RHOQ: variants seen among roughly 807,000 people sequenced by gnomAD.
RHOQ encodes the protein ras homolog family member Q.
RHOQ carries 7 observed loss-of-function variants against 25.8 expected under a neutral mutation model. The observed-to-expected ratio is 0.27, with a 90% confidence interval of 0.15 to 0.51. The LOEUF is 0.51. Ranked by LOEUF, RHOQ falls within the 20% of genes least tolerant of loss-of-function variation. The pLI, the probability that RHOQ is intolerant of heterozygous loss-of-function variation, is 0.97. For synonymous variants in RHOQ, 97 were observed against 98.6 expected (o/e 0.98, Z 0.10); for missense variants, 165 against 260.6 (o/e 0.63, Z 2.53).
chr2:46,567,884 C>G (rs542113837), intron 2 of RHOQ, among the ~76,000 whole-genome samples: 1 of 151,820 alleles, frequency 6.6e-6, no homozygotes, highest in South Asian at 2.1e-4. Context: ...GAGCAAGACC[C>G]CTGTCTCTAC....
rs905306730 is a variant in RHOQ, at chr2:46,569,616, A to G, written c.202-6471A>G. The G allele has an allele frequency of 6.6e-6, 1 of 152,224 alleles. No homozygotes were observed. Among genetic ancestry groups the G allele is most frequent in the Non-Finnish European group, 1.5e-5 (1 of 68,032 alleles). 9.4% of individuals were successfully genotyped at this position (152,224 alleles called of 1,614,324 possible). ...GTCAGGTGGCCAAAAGGAAAGCACA[A>G]TGGAAAAGAAGCCCAAGATCTAGTT... On this transcript the variant is annotated intron_variant, in intron 2 of 4. Coordinates refer to ENST00000238738, the MANE Select transcript of RHOQ (RefSeq NM_012249.4). This position sits in a 1 kb window ranked among gnomAD's most constrained non-coding sequence, Gnocchi z 4.1.
In RHOQ at chr2:46,552,182, A is replaced by G. The variant is rs1003726586; in HGVS notation, c.201+8370A>G. 6.6e-6 allele frequency among the ~76,000 whole-genome samples: 1 copy of G among 152,200 alleles called. No individual in the cohort carries two copies. Among genetic ancestry groups the G allele is most frequent in the Non-Finnish European group, 1.5e-5 (1 of 68,034 alleles). On this transcript the variant is annotated intron_variant, in intron 2 of 4. Transcript: ENST00000238738. The surrounding 1 kb of genome is among the most constrained non-coding windows in gnomAD (Gnocchi z 5.0). ...TGGAACACGTAGGGACGGCTGCTAA[A>G]ACGGCTCCTACAAAGACTTCTGCCC...
chr2:46,567,127 A>G (rs1293697285), intron 2 of RHOQ, among the ~76,000 whole-genome samples: 2 of 152,332 alleles, frequency 1.3e-5, no homozygotes, highest in East Asian at 3.9e-4. Flanking sequence ...GATATAAAGG[A>G]GAAATAAAAA....
At chr2:46,550,788 G>A (rs1361415781) in intron 2 of RHOQ, among the ~76,000 whole-genome samples, 2 of 152,172 alleles carry the variant, frequency 1.3e-5, no homozygotes, top group Non-Finnish European at 2.9e-5. Context: ...CTGAGAGTGC[G>A]GGCCCAGGCT....
At chr2:46,565,791 T>C (rs1668713505) in intron 2 of RHOQ, among the ~76,000 whole-genome samples, 1 of 152,224 alleles carries the variant, frequency 6.6e-6, no homozygotes, top group Non-Finnish European at 1.5e-5. Flanking sequence ...AGCCAGGCCT[T>C]GAGCAATAGT....
intron 2 of RHOQ, among the ~76,000 whole-genome samples, chr2:46,551,937 C>G (rs1384739708): frequency 6.6e-5 from 10 of 152,160 alleles, no homozygotes; most frequent in Non-Finnish European, 1.3e-4. Flanking sequence ...ATGACTCGCT[C>G]CAGGCCACAC....
At chr2:46,543,574 C>T in intron 1 of RHOQ, 180 bp from the exon 2 acceptor site, 1 of 639,840 alleles carries the variant, frequency 1.6e-6, no homozygotes, top group Non-Finnish European at 2.9e-6. Context: ...CACATCACAC[C>T]CCGGCCCTTT....
At chr2:46,578,714 C>T (rs1032233572) in intron 4 of RHOQ, among the ~76,000 whole-genome samples, 14 of 151,386 alleles carry the variant, frequency 9.2e-5, no homozygotes, top group Non-Finnish European at 1.8e-4. Context: ...CGAGATAGTG[C>T]CATTGCACTC....
intron 2 of RHOQ, among the ~76,000 whole-genome samples, chr2:46,574,210 T>C (rs570320585): frequency 4.6e-5 from 7 of 152,274 alleles, no homozygotes; most frequent in South Asian, 4.1e-4. Flanking sequence ...TCTGTGAAAA[T>C]TGGAAATCTA....
intron 2 of RHOQ, among the ~76,000 whole-genome samples, chr2:46,562,096 C>T (rs902511466): frequency 5.3e-5 from 8 of 152,218 alleles, no homozygotes; most frequent in African/African-American, 1.9e-4. Flanking sequence ...ACAAGACTCA[C>T]TTATCGGCAG....
rs1226302172 is a variant in RHOQ at position 46,584,174 on chromosome 2, T to C, written c.*3091T>C. Among the ~76,000 whole-genome samples, 1 of 152,210 alleles carries C rather than the reference T, an allele frequency of 6.6e-6. No homozygotes were observed. The highest frequency in any genetic ancestry group is 2.4e-5 in the African/African-American group (1 of 41,468). ...TTTTAAATGATTGTTACTTTAACAG[T>C]GTCCCTTCTTAACACATGGGGTTAC... On this transcript the variant is annotated 3_prime_UTR_variant, in exon 5 of 5. Transcript: ENST00000238738.
rs563404980 is a variant in RHOQ at position 46,584,597 on chromosome 2, C to T, written c.*3514C>T. On this transcript the variant is annotated 3_prime_UTR_variant, in exon 5 of 5. Transcript: ENST00000238738. ...AAAAATTTTGTCTAATGAAGGGTTA[C>T]GGCTTGGAACACTTGGTTATTCATG... Among the ~76,000 whole-genome samples, 1 of 152,274 alleles carries T rather than the reference C, an allele frequency of 6.6e-6. No individual in the cohort carries two copies. The highest frequency in any genetic ancestry group is 2.4e-5 in the African/African-American group (1 of 41,564).
chr2:46,556,029 C>T lies in RHOQ; in HGVS notation c.201+12217C>T, dbSNP rs1158782927. 6.6e-6 allele frequency among the ~76,000 whole-genome samples: 1 copy of T among 152,178 alleles called. No individual in the cohort carries two copies. The highest frequency in any genetic ancestry group is 1.9e-4 in the East Asian group (1 of 5,186). ...AGAGAACACTTTCATCACCCCAGAA[C>T]GAAACCCCATACCCACCGACAGTCA... On this transcript the variant is annotated intron_variant, in intron 2 of 4. Transcript: ENST00000238738. The surrounding 1 kb of genome is among the most constrained non-coding windows in gnomAD (Gnocchi z 4.9).
chr2:46,564,777 AG>A (rs1287782107), intron 2 of RHOQ, among the ~76,000 whole-genome samples: 2 of 152,340 alleles, frequency 1.3e-5, no homozygotes, highest in East Asian at 3.9e-4. Flanking sequence ...CAGCCTCTGT[AG>A]GCCAAGTGTT....
chr2:46,554,688 C>T (rs962906522), intron 2 of RHOQ, among the ~76,000 whole-genome samples: 9 of 152,104 alleles, frequency 5.9e-5, no homozygotes, highest in Non-Finnish European at 8.8e-5. Flanking sequence ...CCCATCTTGC[C>T]AGTAATTACT....
In RHOQ at chr2:46,554,470, C is replaced by T. The variant is rs184011454; in HGVS notation, c.201+10658C>T. On this transcript the variant is annotated intron_variant, in intron 2 of 4. Transcript: ENST00000238738. ...ATATTAAGGGGCTCGATAGACAGGACGCCTGGACAGGGCTCTGTTCATTGT... is the reference window on the plus strand; with the variant it reads ...ATATTAAGGGGCTCGATAGACAGGATGCCTGGACAGGGCTCTGTTCATTGT... 7.4e-3 allele frequency among the ~76,000 whole-genome samples: 1,121 copies of T among 152,288 alleles called. 3 individuals are homozygous for T. Among genetic ancestry groups the T allele is most frequent in the Non-Finnish European group, 0.011 (755 of 68,028 alleles).
chr2:46,560,266 A>G (rs575958698), intron 2 of RHOQ, among the ~76,000 whole-genome samples: 3 of 152,174 alleles, frequency 2.0e-5, no homozygotes, highest in South Asian at 4.1e-4. Context: ...TTTAGCTTCT[A>G]AATTTTGTTA....
chr2:46,567,960 A>G (rs1310855497), intron 2 of RHOQ, among the ~76,000 whole-genome samples: 1 of 152,122 alleles, frequency 6.6e-6, no homozygotes, highest in Non-Finnish European at 1.5e-5. Flanking sequence ...CGTAGTATCA[A>G]CTACTCGGGA....
intron 2 of RHOQ, among the ~76,000 whole-genome samples, chr2:46,565,802 C>T (rs927360945): frequency 1.3e-5 from 2 of 152,216 alleles, no homozygotes; most frequent in African/African-American, 4.8e-5. Flanking sequence ...GAGCAATAGT[C>T]CCCTGCCCTC....
Sources: allele counts gnomAD v4.1 joint callset (sites outside exome capture counted in the v4.1 genomes callset), GRCh38; gene constraint gnomAD v4.1.1; non-coding constraint Gnocchi (gnomAD v3.1); transcripts MANE v1.5; gene names NCBI Gene and HGNC (gene_info 2026-07-23, HGNC 2026-07-21).